The following MYO1E variants were observed in gnomAD, a reference collection of about 807,000 sequenced individuals.
The protein encoded by MYO1E is myosin IE, also known as unconventional myosin-Ie.
Under a neutral mutation model 151.1 loss-of-function variants are expected in MYO1E, and 68 were observed. That is an observed-to-expected ratio of 0.45 (90% CI 0.37 to 0.55). MYO1E has a LOEUF of 0.55. Among genes scored for constraint, MYO1E ranks in the 20% least tolerant of loss-of-function variants. MYO1E has a pLI of 0.00. For synonymous variants in MYO1E, 601 were observed against 501.7 expected (o/e 1.20, Z -2.64); for missense variants, 1,363 against 1,389.3 (o/e 0.98, Z 0.30).
At chr15:59,292,669 T>G (rs1483151145) in intron 1 of MYO1E, among the ~76,000 whole-genome samples, 3 of 152,230 alleles carry the variant, frequency 2.0e-5, no homozygotes, top group Non-Finnish European at 4.4e-5. Flanking sequence ...GTTGCTGTAG[T>G]AACCTTCACT....
At chr15:59,287,598 T>A (rs1179820526) in intron 1 of MYO1E, among the ~76,000 whole-genome samples, 1 of 152,206 alleles carries the variant, frequency 6.6e-6, no homozygotes, top group African/African-American at 2.4e-5. Flanking sequence ...GGTCCTCGGA[T>A]GACGCCATTT....
chr15:59,207,389 A>G, intron 14 of MYO1E: 1 of 1,614,068 alleles, frequency 6.2e-7, no homozygotes, highest in Non-Finnish European at 8.5e-7. Context: ...GCACGCCAAG[A>G]AAAGGGAGAA....
chr15:59,224,939 C>T (rs548158928), intron 7 of MYO1E, 116 bp from the exon 8 acceptor site: 2 of 1,407,108 alleles, frequency 1.4e-6, no homozygotes, highest in East Asian at 4.7e-5. Flanking sequence ...TCTAAAATTA[C>T]AGGCAGTCCT....
intron 2 of MYO1E, among the ~76,000 whole-genome samples, chr15:59,265,669 G>GT (rs1432620745): frequency 3.3e-5 from 5 of 151,922 alleles, no homozygotes; most frequent in Admixed American, 2.6e-4. Context: ...ATAAAGTTTG[G>GT]TTTAAAATGG....
chr15:59,255,699 G>A (rs895613044), intron 4 of MYO1E, among the ~76,000 whole-genome samples: 1 of 152,124 alleles, frequency 6.6e-6, no homozygotes, highest in East Asian at 1.9e-4. Context: ...TAGCTGAAGA[G>A]CTTAAAAAAA....
chr15:59,297,693 C>T (rs544805455), intron 1 of MYO1E, among the ~76,000 whole-genome samples: 5 of 151,940 alleles, frequency 3.3e-5, no homozygotes, highest in African/African-American at 1.2e-4. Context: ...GTGATCCTCC[C>T]ACCTCAGCCC....
intron 1 of MYO1E, among the ~76,000 whole-genome samples, chr15:59,338,872 C>G (rs759803493): frequency 1.3e-5 from 2 of 152,248 alleles, no homozygotes; most frequent in Non-Finnish European, 2.9e-5. Context: ...TGGCTCATGC[C>G]TGTAATCCCA....
intron 1 of MYO1E, among the ~76,000 whole-genome samples, chr15:59,369,224 T>C (rs2080931226): frequency 6.6e-6 from 1 of 152,264 alleles, no homozygotes. Context: ...TTCTAGGTTG[T>C]AAATCTATTC....
Position 59,372,553 on chromosome 15 carries a change from G to A in MYO1E, c.-53C>T. On this transcript the variant is annotated 5_prime_UTR_variant, in exon 1 of 28. Coordinates refer to ENST00000288235, the MANE Select transcript of MYO1E (RefSeq NM_004998.4). The stretch of plus-strand genomic sequence containing the variant: ...GCCGGGTCCCGCTGCCGGGGAACTG[G>A]GGCTGGAACGCAGTCTTCTGGGCGA... 2 of 1,533,976 alleles carry A rather than the reference G, an allele frequency of 1.3e-6. No individual in the cohort carries two copies. The highest frequency in any genetic ancestry group is 1.4e-5 in the African/African-American group (1 of 72,752).
At chr15:59,193,299 T>C (rs566930461) in intron 17 of MYO1E, among the ~76,000 whole-genome samples, 48 of 152,344 alleles carry the variant, frequency 3.2e-4, no homozygotes, top group African/African-American at 1.2e-3. Context: ...AGATGTTTTC[T>C]GTATGATTGA....
rs527628784 is a variant in MYO1E, at chr15:59,321,670, G to C, written c.4-49221C>G. Among the ~76,000 whole-genome samples the C allele has an allele frequency of 8.5e-5, 13 of 152,272 alleles. No homozygotes were observed. In the South Asian group the frequency reaches 1.9e-3, roughly 22 times the overall value. On this transcript the variant is annotated intron_variant, in intron 1 of 27. Coordinates refer to ENST00000288235, the MANE Select transcript of MYO1E (RefSeq NM_004998.4). ...CATAAAGATGGCACCAATAGACATG[G>C]GGACTACTAGAGGCAGGAGAGAGGG...
chr15:59,365,791 A>G (rs551637822), intron 1 of MYO1E, among the ~76,000 whole-genome samples: 19 of 152,244 alleles, frequency 1.2e-4, no homozygotes, highest in African/African-American at 4.6e-4. Context: ...TATTCCAGGA[A>G]AAAGGGACCT....
chr15:59,243,820 T>C (rs2080114172), intron 4 of MYO1E, among the ~76,000 whole-genome samples: 1 of 45,572 alleles, frequency 2.2e-5, no homozygotes, highest in Non-Finnish European at 1.0e-4. Flanking sequence ...TAAGACAAAG[T>C]AATTCTGCGA....
chr15:59,277,622 C>T (rs1260187626), intron 1 of MYO1E, among the ~76,000 whole-genome samples: 2 of 150,520 alleles, frequency 1.3e-5, no homozygotes, highest in African/African-American at 4.9e-5. Flanking sequence ...TTTTAGGAAA[C>T]TACCTCAAGA....
At chr15:59,370,537 C>A (rs1291598086) in intron 1 of MYO1E, among the ~76,000 whole-genome samples, 2 of 152,206 alleles carry the variant, frequency 1.3e-5, no homozygotes, top group Non-Finnish European at 2.9e-5. Context: ...TGGGGGCACA[C>A]AACATGCCCA....
At chr15:59,171,544 C>T (rs2140315904) in intron 22 of MYO1E, among the ~76,000 whole-genome samples, 1 of 152,284 alleles carries the variant, frequency 6.6e-6, no homozygotes, top group East Asian at 1.9e-4. Context: ...GTGAGGTGGA[C>T]TGGGGGACAG....
chr15:59,141,747 G>A (rs1482695896), intron 26 of MYO1E, among the ~76,000 whole-genome samples: 5 of 143,312 alleles, frequency 3.5e-5, no homozygotes, highest in African/African-American at 1.1e-4. Flanking sequence ...ACAGTGAGTC[G>A]AGATTGAGCC....
rs74772010 is a variant in MYO1E, at chr15:59,212,379, C to A, written c.1276-1779G>T. ...TTCCAGGGCAGAAGGTCACGTGAAA[C>A]CCCCTGGTATGGTGTTTCCTAAGCA... On this transcript the variant is annotated intron_variant, in intron 12 of 27. Transcript: ENST00000288235. 3.9e-5 allele frequency among the ~76,000 whole-genome samples: 6 copies of A among 152,128 alleles called. No homozygotes were observed. The East Asian group carries it at 1.2e-3, about 30-fold the overall frequency.
chr15:59,248,263 C>T (rs1302562934), intron 4 of MYO1E, among the ~76,000 whole-genome samples: 1 of 151,044 alleles, frequency 6.6e-6, no homozygotes, highest in Non-Finnish European at 1.5e-5. Flanking sequence ...GCAGGTGGAT[C>T]ACTTGAGGTC....
Sources: gnomAD v4.1 joint callset for allele counts (sites outside exome capture counted in the v4.1 genomes callset) on GRCh38, gnomAD v4.1.1 for gene constraint, MANE v1.5 for transcripts, NCBI Gene and HGNC (gene_info 2026-07-23, HGNC 2026-07-21) for gene names.